The following BCAS3 variants were observed in gnomAD, a reference collection of about 807,000 sequenced individuals.
BCAS3 encodes BCAS4/BCAS3 fusion.
In BCAS3, 53 loss-of-function variants were observed where a neutral mutation model predicts 116.1. The ratio of observed to expected loss-of-function variants is 0.46; its 90% CI spans 0.37 to 0.57. The LOEUF (loss-of-function observed/expected upper bound fraction) is 0.57, where lower values mean the gene tolerates loss of function less well. Among genes scored for constraint, BCAS3 ranks in the 20% least tolerant of loss-of-function variants. The pLI, the probability that BCAS3 is intolerant of heterozygous loss-of-function variation, is 0.00. For missense variants in BCAS3, 917 were observed against 1,165.4 expected (o/e 0.79, Z 3.10); for synonymous variants, 391 against 408.2 (o/e 0.96, Z 0.51).
At position 60,930,689 on chromosome 17, in the gene BCAS3, C is replaced by T. The variant is rs182240243; in HGVS notation, c.1087+6189C>T. On this transcript the variant is annotated intron_variant, in intron 13 of 23. Coordinates refer to ENST00000407086, the MANE Select transcript of BCAS3 (RefSeq NM_017679.5). ...GCTAGGCTGGTCTTGAACTCCTGAC[C>T]TCAGGTAATCCGCCTGCCTCAGCCT... is the stretch of plus-strand genomic sequence containing the variant. 3.0e-3 allele frequency among the ~76,000 whole-genome samples: 453 copies of T among 152,288 alleles called. 5 individuals carry two copies. The highest frequency in any genetic ancestry group is 0.01 in the African/African-American group (432 of 41,554).
At chr17:60,941,700 A>G (rs1013749840) in intron 13 of BCAS3, among the ~76,000 whole-genome samples, 2 of 152,200 alleles carry the variant, frequency 1.3e-5, no homozygotes, top group African/African-American at 2.4e-5. Context: ...TTTCCTGAAA[A>G]TTTGAATTTG....
At position 60,802,367 on chromosome 17, in the gene BCAS3, CATACATAT is replaced by C. The variant is rs1488358596; in HGVS notation, c.404-5633_404-5626del. On this transcript the variant is annotated intron_variant, in intron 6 of 23. Coordinates refer to ENST00000407086, the MANE Select transcript of BCAS3 (RefSeq NM_017679.5). ...ACAAATACACACACATACATACATA[CATACATAT>C]ATATATATATATATCCCCTTGTTTT... Among the ~76,000 whole-genome samples, 160 of 127,344 alleles carry C rather than the reference CATACATAT, an allele frequency of 1.3e-3. 1 individual carries two copies. Among genetic ancestry groups the C allele is most frequent in the African/African-American group, 6.6e-3 (151 of 23,028 alleles). The allele number at this position is 127,344 out of a possible 152,430, so 83.5% of individuals were successfully genotyped here.
intron 7 of BCAS3, among the ~76,000 whole-genome samples, chr17:60,830,012 G>T (rs2050773411): frequency 6.6e-6 from 1 of 152,044 alleles, no homozygotes; most frequent in Admixed American, 6.6e-5. Context: ...TTTATTTTGA[G>T]ATGGAGTCTC....
intron 7 of BCAS3, among the ~76,000 whole-genome samples, chr17:60,822,379 T>C (rs964443081): frequency 1.3e-4 from 20 of 152,240 alleles, no homozygotes; most frequent in Non-Finnish European, 2.6e-4. Flanking sequence ...CAGTTACCTC[T>C]TCATTCATAT....
At chr17:61,289,909 T>G (rs2052220760) in intron 22 of BCAS3, among the ~76,000 whole-genome samples, 2 of 152,154 alleles carry the variant, frequency 1.3e-5, no homozygotes, top group South Asian at 4.1e-4. Context: ...TCAATTTGTT[T>G]GAGTGTTTAT....
At position 61,118,029 on chromosome 17, in the gene BCAS3, CT is replaced by C. The variant is rs1288866147; in HGVS notation, c.2425+33472del. Among the ~76,000 whole-genome samples, 6 of 152,070 alleles carry C rather than the reference CT, an allele frequency of 3.9e-5. No individual in the cohort carries two copies. The highest frequency in any genetic ancestry group is 1.4e-4 in the African/African-American group (6 of 41,476). On this transcript the variant is annotated intron_variant, in intron 22 of 23. Transcript: ENST00000407086. This position sits in a 1 kb window ranked among gnomAD's most constrained non-coding sequence, Gnocchi z 5.0. Reference sequence around the variant, plus strand: ...CTTGGTGTTGATATCTATTGATTGTCTTTTTTTCATTTGTTATGATATCTTG... The same window carrying C: ...CTTGGTGTTGATATCTATTGATTGTCTTTTTTCATTTGTTATGATATCTTG...
intron 22 of BCAS3, among the ~76,000 whole-genome samples, chr17:61,110,504 C>T (rs2074993358): frequency 6.6e-6 from 1 of 152,234 alleles, no homozygotes; most frequent in African/African-American, 2.4e-5. Context: ...ATAATTGGGT[C>T]ACTCCCACCT....
chr17:61,080,554 C>A (rs2072491175), intron 21 of BCAS3, among the ~76,000 whole-genome samples: 2 of 151,888 alleles, frequency 1.3e-5, no homozygotes, highest in East Asian at 1.9e-4. Context: ...ACCAGCCTGG[C>A]CAACATGATG....
At chr17:60,972,969 G>A (rs1475826395) in intron 14 of BCAS3, among the ~76,000 whole-genome samples, 2 of 152,042 alleles carry the variant, frequency 1.3e-5, no homozygotes, top group Non-Finnish European at 2.9e-5. Context: ...CTTTTTATCC[G>A]AGCATTGCTC....
At position 61,145,767 on chromosome 17, in the gene BCAS3, T is replaced by TG. The variant is rs528752325; in HGVS notation, c.2425+61209dup. ...AATGACCAGAAATCGTTTCCCTCTC[T>TG]GGGGGGTTCCTGTTTAATATGAAAG... On this transcript the variant is annotated intron_variant, in intron 22 of 23. Transcript: ENST00000407086. The surrounding 1 kb of genome is among the most constrained non-coding windows in gnomAD (Gnocchi z 5.0). Among the ~76,000 whole-genome samples the TG allele has an allele frequency of 2.1e-3, 324 of 152,298 alleles. 2 individuals carry two copies. The highest frequency in any genetic ancestry group is 7.2e-3 in the African/African-American group (300 of 41,566).
At chr17:61,311,121 C>T (rs1458068879) in intron 22 of BCAS3, among the ~76,000 whole-genome samples, 3 of 152,162 alleles carry the variant, frequency 2.0e-5, no homozygotes, top group Non-Finnish European at 4.4e-5. Context: ...CCTAAAATTA[C>T]TGCTTGGCAG....
At chr17:60,786,547 G>GTGTATA (rs575616960) in intron 6 of BCAS3, among the ~76,000 whole-genome samples, 1 of 140,702 alleles carries the variant, frequency 7.1e-6, no homozygotes, top group East Asian at 2.1e-4. Context: ...CTGCAAATGT[G>GTGTATA]TATATATATA....
rs1252496568 is a variant in BCAS3 at position 61,180,624 on chromosome 17, A to G, written c.2425+96060A>G. ...ACCCAATAGCAAATGAGGCACTTAG[A>G]TAGCATGTGATGGCAGAAGCTTGCT... On this transcript the variant is annotated intron_variant, in intron 22 of 23. Coordinates refer to ENST00000407086, the MANE Select transcript of BCAS3 (RefSeq NM_017679.5). This position sits in a 1 kb window ranked among gnomAD's most constrained non-coding sequence, Gnocchi z 6.0. Among the ~76,000 whole-genome samples, 2 of 152,254 alleles carry G rather than the reference A, an allele frequency of 1.3e-5. No homozygotes were observed. The highest frequency in any genetic ancestry group is 2.9e-5 in the Non-Finnish European group (2 of 68,036).
rs1207556885 is a variant in BCAS3 at position 61,205,519 on chromosome 17, CA to C, written c.2425+120956del. The stretch of plus-strand genomic sequence containing the variant: ...CCTGTGTGACATTCAGGAACTATTG[CA>C]GACTTCCAGGACTCAAGACAGTCTC... On this transcript the variant is annotated intron_variant, in intron 22 of 23. Coordinates refer to ENST00000407086, the MANE Select transcript of BCAS3 (RefSeq NM_017679.5). The surrounding 1 kb of genome is among the most constrained non-coding windows in gnomAD (Gnocchi z 5.2). 1.3e-5 allele frequency among the ~76,000 whole-genome samples: 2 copies of C among 152,200 alleles called. No individual in the cohort carries two copies. Among genetic ancestry groups the C allele is most frequent in the African/African-American group, 4.8e-5 (2 of 41,438 alleles).
At chr17:61,099,060 C>G (rs1308688744) in intron 22 of BCAS3, among the ~76,000 whole-genome samples, 1 of 152,024 alleles carries the variant, frequency 6.6e-6, no homozygotes, top group Non-Finnish European at 1.5e-5. Flanking sequence ...GGAGGCGGAG[C>G]TCACAGTGAG....
intron 7 of BCAS3, among the ~76,000 whole-genome samples, chr17:60,865,974 T>A: frequency 6.6e-6 from 1 of 152,184 alleles, no homozygotes; most frequent in East Asian, 1.9e-4. Flanking sequence ...TTCCTAAAAA[T>A]GCCATATCTG....
At chr17:60,836,387 C>T (rs1399919579) in intron 7 of BCAS3, among the ~76,000 whole-genome samples, 4 of 152,010 alleles carry the variant, frequency 2.6e-5, no homozygotes, top group East Asian at 1.9e-4. Flanking sequence ...CAACAGTGAG[C>T]GAGACTTAAT....
rs1210811112 is a variant in BCAS3 at position 61,004,491 on chromosome 17, C to A, written c.1487-11260C>A. Among the ~76,000 whole-genome samples the A allele has an allele frequency of 4.6e-5, 7 of 151,618 alleles. No individual in the cohort carries two copies. Among genetic ancestry groups the A allele is most frequent in the Non-Finnish European group, 1.0e-4 (7 of 67,928 alleles). On this transcript the variant is annotated intron_variant, in intron 15 of 23. Transcript: ENST00000407086. The surrounding 1 kb of genome is among the most constrained non-coding windows in gnomAD (Gnocchi z 4.8). ...ATGAACAGATTTAGAAATTATCAGA[C>A]TTGAGAATAACAGACATGAATAGTC...
intron 19 of BCAS3, among the ~76,000 whole-genome samples, chr17:61,064,582 G>C (rs1253972098): frequency 6.6e-6 from 1 of 152,118 alleles, no homozygotes; most frequent in Non-Finnish European, 1.5e-5. Context: ...ATGATACTGT[G>C]GGGGTACAGA....
Sources: gnomAD v4.1 joint callset for allele counts (sites outside exome capture counted in the v4.1 genomes callset) on GRCh38, gnomAD v4.1.1 for gene constraint, Gnocchi (gnomAD v3.1) non-coding constraint, MANE v1.5 for transcripts, NCBI Gene and HGNC (gene_info 2026-07-23, HGNC 2026-07-21) for gene names.